FOXP2: variants seen among roughly 807,000 people sequenced by gnomAD.
FOXP2 encodes the protein forkhead box P2.
Under a neutral mutation model 115.8 loss-of-function variants are expected in FOXP2, and 12 were observed. That is an observed-to-expected ratio of 0.10 (90% CI 0.07 to 0.17). The LOEUF (loss-of-function observed/expected upper bound fraction) is 0.17, where lower values mean the gene tolerates loss of function less well. Ranked by LOEUF, FOXP2 falls within the 10% of genes least tolerant of loss-of-function variation. The pLI, the probability that FOXP2 is intolerant of heterozygous loss-of-function variation, is 1.00. For missense variants in FOXP2, 629 were observed against 843.5 expected, an observed-to-expected ratio of 0.75 and a Z score of 3.15; for synonymous variants, 328 against 297.7, an observed-to-expected ratio of 1.10 and a Z score of -1.05.
At chr7:114,297,734 A>G (rs1774865572) in intron 2 of FOXP2, among the ~76,000 whole-genome samples, 1 of 152,208 alleles carries the variant, frequency 6.6e-6, no homozygotes, top group Admixed American at 6.5e-5. Context: ...GGTTCAGTCA[A>G]TTTCAGGGTT....
chr7:114,339,934 T>C (rs1445455498), intron 2 of FOXP2, among the ~76,000 whole-genome samples: 1 of 151,222 alleles, frequency 6.6e-6, no homozygotes, highest in Non-Finnish European at 1.5e-5. Flanking sequence ...TGAGTTTATG[T>C]TTCTGCAGTA....
At chr7:114,358,721 T>TTGA (rs1215296901) in intron 2 of FOXP2, among the ~76,000 whole-genome samples, 1 of 152,106 alleles carries the variant, frequency 6.6e-6, no homozygotes, top group East Asian at 1.9e-4. Context: ...AACTTTGAAC[T>TTGA]TGAGAGAGAT....
intron 2 of FOXP2, among the ~76,000 whole-genome samples, chr7:114,440,949 A>G (rs1487547729): frequency 1.3e-5 from 2 of 152,204 alleles, no homozygotes; most frequent in Non-Finnish European, 2.9e-5. Flanking sequence ...TTGATCCATA[A>G]TAATCTTAGA....
chr7:114,328,020 C>CATCA (rs1797601385), intron 2 of FOXP2, among the ~76,000 whole-genome samples: 1 of 150,770 alleles, frequency 6.6e-6, no homozygotes, highest in Non-Finnish European at 1.5e-5. Context: ...TTCTGGGATC[C>CATCA]ATCAATCCCC....
chr7:114,195,065 T>A (rs1005124303), intron 1 of FOXP2, among the ~76,000 whole-genome samples: 2 of 152,164 alleles, frequency 1.3e-5, no homozygotes, highest in African/African-American at 4.8e-5. Context: ...CTGGGCTGAT[T>A]GTTGGTTTTT....
chr7:114,112,362 T>C (rs1437393783), intron 1 of FOXP2, among the ~76,000 whole-genome samples: 2 of 152,046 alleles, frequency 1.3e-5, no homozygotes, highest in East Asian at 3.9e-4. Context: ...AGTGATGTGA[T>C]CTCAGCTCAC....
At chr7:114,355,386 A>C (rs1432431213) in intron 2 of FOXP2, among the ~76,000 whole-genome samples, 1 of 152,164 alleles carries the variant, frequency 6.6e-6, no homozygotes. Flanking sequence ...TGTTCTATAA[A>C]GGTACCAGAA....
chr7:114,205,772 C>CA (rs1481552518), intron 1 of FOXP2, among the ~76,000 whole-genome samples: 2 of 152,154 alleles, frequency 1.3e-5, no homozygotes, highest in Non-Finnish European at 2.9e-5. Context: ...TCTTCAAGTT[C>CA]TCCCTTATTC....
intron 3 of FOXP2, among the ~76,000 whole-genome samples, chr7:114,624,117 G>A (rs918740594): frequency 4.6e-5 from 7 of 151,816 alleles, no homozygotes; most frequent in Admixed American, 3.3e-4. Flanking sequence ...AGTTTCTTAT[G>A]TTAAAATAAA....
chr7:114,673,756 T>C (rs1243895138), intron 16 of FOXP2, among the ~76,000 whole-genome samples: 1 of 152,120 alleles, frequency 6.6e-6, no homozygotes. Context: ...CTGGAGTGCA[T>C]TGGCACGATG....
At chr7:114,655,797 A>G (rs531902790) in intron 10 of FOXP2, among the ~76,000 whole-genome samples, 1 of 152,270 alleles carries the variant, frequency 6.6e-6, no homozygotes, top group South Asian at 2.1e-4. Flanking sequence ...CAGTACATGA[A>G]CACAAGGTGC....
chr7:114,685,562 C>T lies in FOXP2; in HGVS notation c.2004-4220C>T, dbSNP rs143924886. On this transcript the variant is annotated intron_variant, in intron 16 of 16. Transcript: ENST00000350908. ...TTTACCCCACAGTGTGCAATAATGG[C>T]GTTATAATGGCCACTTCGAGTAGTC... Among the ~76,000 whole-genome samples the T allele has an allele frequency of 4.9e-3, 749 of 152,124 alleles. 2 individuals are homozygous for T. The highest frequency in any genetic ancestry group is 6.6e-3 in the Non-Finnish European group (448 of 67,992).
chr7:114,611,470 T>G (rs898911687), intron 3 of FOXP2, among the ~76,000 whole-genome samples: 2 of 152,220 alleles, frequency 1.3e-5, no homozygotes. Flanking sequence ...AGTATGTATT[T>G]TGTGTCAAAT....
intron 2 of FOXP2, among the ~76,000 whole-genome samples, chr7:114,291,091 T>A (rs1402730873): frequency 2.0e-5 from 3 of 152,152 alleles, no homozygotes; most frequent in Non-Finnish European, 4.4e-5. Context: ...TATGCTGTTA[T>A]AACAAAGTAC....
rs193012656 is a variant in FOXP2 at position 114,602,810 on chromosome 7, C to T, written c.259-25730C>T. ...ATTTTAATCATCCTGTATTAAAGAC[C>T]ATTGTATTAAAATCCAAGGAATCTA... On this transcript the variant is annotated intron_variant, in intron 3 of 16. Transcript: ENST00000350908. 2.0e-3 allele frequency among the ~76,000 whole-genome samples: 310 copies of T among 152,120 alleles called. 2 individuals are homozygous for T. The Middle Eastern group carries it at 0.024, about 12-fold the overall frequency.
chr7:114,436,748 T>G (rs2129210166), intron 2 of FOXP2, among the ~76,000 whole-genome samples: 1 of 152,032 alleles, frequency 6.6e-6, no homozygotes, highest in South Asian at 2.1e-4. Flanking sequence ...TAAACGTTAC[T>G]TTGAGAGATA....
chr7:114,681,989 G>T (rs1366203267), intron 16 of FOXP2, among the ~76,000 whole-genome samples: 1 of 152,078 alleles, frequency 6.6e-6, no homozygotes, highest in Non-Finnish European at 1.5e-5. Context: ...AGGTTATAAG[G>T]TTATTATATA....
chr7:114,489,374 T>G (rs1263550789), intron 2 of FOXP2, among the ~76,000 whole-genome samples: 4 of 152,162 alleles, frequency 2.6e-5, no homozygotes, highest in Admixed American at 1.3e-4. Flanking sequence ...TGGTTACAGC[T>G]TGGAAATAGT....
upstream of FOXP2, among the ~76,000 whole-genome samples, chr7:114,160,083 T>C (rs1353141623): frequency 5.3e-5 from 8 of 152,148 alleles, no homozygotes; most frequent in Admixed American, 2.6e-4. Context: ...TACAGTCAAA[T>C]AGTATAGGTT....
Sources: allele counts gnomAD v4.1 joint callset (sites outside exome capture counted in the v4.1 genomes callset), GRCh38; gene constraint gnomAD v4.1.1; transcripts MANE v1.5; gene names NCBI Gene and HGNC (gene_info 2026-07-23, HGNC 2026-07-21).